The following CASC3 variants were observed in gnomAD, a reference collection of about 807,000 sequenced individuals.
CASC3 encodes CASC3 exon junction complex subunit.
CASC3 carries 30 observed loss-of-function variants against 80.5 expected under a neutral mutation model. The observed-to-expected ratio is 0.37, with a 90% confidence interval of 0.28 to 0.51. The LOEUF (loss-of-function observed/expected upper bound fraction) is 0.51. Among genes scored for constraint, CASC3 ranks in the 20% least tolerant of loss-of-function variants. CASC3 has a pLI of 0.94. For synonymous variants in CASC3, 312 were observed against 333.6 expected, an observed-to-expected ratio of 0.94 and a Z score of 0.70; for missense variants, 824 against 922.2, an observed-to-expected ratio of 0.89 and a Z score of 1.38.
intron 3 of CASC3, among the ~76,000 whole-genome samples, chr17:40,143,385 G>C (rs745730104): frequency 9.9e-5 from 15 of 152,154 alleles, no homozygotes; most frequent in Non-Finnish European, 1.9e-4. Context: ...GGTGGAGGTG[G>C]CAGTGAGCCA....
At chr17:40,156,545 C>T (rs749418376) in intron 3 of CASC3, among the ~76,000 whole-genome samples, 18 of 151,772 alleles carry the variant, frequency 1.2e-4, no homozygotes, top group Non-Finnish European at 2.2e-4. Flanking sequence ...AATAATTAGC[C>T]GGGCATGGTG....
chr17:40,156,055 A>C (rs1348552975), intron 3 of CASC3, among the ~76,000 whole-genome samples: 1 of 152,236 alleles, frequency 6.6e-6, no homozygotes, highest in Non-Finnish European at 1.5e-5. Flanking sequence ...TAATCATGTG[A>C]TAATACTATT....
At chr17:40,144,504 C>T (rs1988803155) in intron 3 of CASC3, among the ~76,000 whole-genome samples, 1 of 150,796 alleles carries the variant, frequency 6.6e-6, no homozygotes, top group African/African-American at 2.4e-5. Flanking sequence ...ACCACCACAC[C>T]CAGCTAATTT....
Position 40,170,570 on chromosome 17 carries a change from C to T in CASC3, c.*165C>T. 1.0e-6 allele frequency: 1 copy of T among 985,610 alleles called. No homozygotes were observed. Among genetic ancestry groups the T allele is most frequent in the Non-Finnish European group, 1.2e-6 (1 of 829,970 alleles). The allele number at this position is 985,610 out of a possible 1,614,324, so 61.1% of individuals were successfully genotyped here. A position where few individuals can be genotyped will look rare whatever the true frequency, so the allele number is the denominator to read the frequency against. ...GAAAGAGGAGGACCCCTGCCTTCCTCTGAGGACAGGCTCTAGAGAGAGGGA... is the reference window on the plus strand; with the variant it reads ...GAAAGAGGAGGACCCCTGCCTTCCTTTGAGGACAGGCTCTAGAGAGAGGGA... On this transcript the variant is annotated 3_prime_UTR_variant, in exon 14 of 14. Transcript: ENST00000264645.
intron 3 of CASC3, among the ~76,000 whole-genome samples, chr17:40,157,817 A>G (rs1989190742): frequency 6.6e-6 from 1 of 152,218 alleles, no homozygotes; most frequent in Middle Eastern, 3.2e-3. Flanking sequence ...GTCAGTGAAT[A>G]TGTATTTTAT....
At chr17:40,141,263 C>G in intron 2 of CASC3, 29 bp downstream of exon 2, 1 of 1,603,722 alleles carries the variant, frequency 6.2e-7, no homozygotes, top group Non-Finnish European at 8.5e-7. Context: ...CCCATTAGGA[C>G]AAGAGTTTTT....
chr17:40,140,610 C>T lies in CASC3; in HGVS notation c.62C>T (p.Ser21Leu), dbSNP rs1424853364. The T allele has an allele frequency of 2.5e-6, 4 of 1,610,964 alleles. No homozygotes were observed. The highest frequency in any genetic ancestry group is 3.4e-6 in the Non-Finnish European group (4 of 1,179,488). ...ACCGAGGACGAGGAATCTGGTGCTT[C>T]GGGCTCCGACAGCGGCGGCTCCCCG... ...QDTEDEESGA[S>L]GSDSGGSPLR... Residue 21 changes from serine to leucine, a missense_variant, in exon 1 of 14, where the codon TCG (serine) becomes TTG (leucine). Coordinates refer to ENST00000264645, the MANE Select transcript of CASC3 (RefSeq NM_007359.5).
chr17:40,169,408 A>T lies in CASC3; in HGVS notation c.2050A>T (p.Thr684Ser). Reference protein sequence around the residue: ...VQPKPSPPRRTPQPVTIKPPP... With the variant: ...VQPKPSPPRRSPQPVTIKPPP... ...GCCAAAGCCCTCCCCACCCCGGAGGACTCCCCAGCCAGTCACCATCAAGCC... is the reference window on the plus strand; with the variant it reads ...GCCAAAGCCCTCCCCACCCCGGAGGTCTCCCCAGCCAGTCACCATCAAGCC... The change falls in exon 12 of 14, where the codon ACT becomes TCT. Residue 684 changes from threonine (T) to serine (S), a missense_variant. This residue lies in a region of CASC3 where 464 missense variants were observed against 506.0 expected (regional missense o/e 0.92). Transcript: ENST00000264645. 2.5e-6 allele frequency: 4 copies of T among 1,611,672 alleles called. No individual in the cohort carries two copies. Among genetic ancestry groups the T allele is most frequent in the Non-Finnish European group, 3.4e-6 (4 of 1,179,178 alleles).
chr17:40,143,863 C>T (rs150585050), intron 3 of CASC3, among the ~76,000 whole-genome samples: 2 of 151,038 alleles, frequency 1.3e-5, no homozygotes, highest in Admixed American at 6.6e-5. Flanking sequence ...AATAAAAGAA[C>T]GTAATTGAAT....
rs747031321 is a variant in CASC3 at position 40,170,479 on chromosome 17, CA to C, written c.*75del. ...GAGGTGAGAACTCAGAAGAGAAATACAGCTGGCTATCTACTACCAGAAGGGC... is the reference window on the plus strand; with the variant it reads ...GAGGTGAGAACTCAGAAGAGAAATACGCTGGCTATCTACTACCAGAAGGGC... On this transcript the variant is annotated 3_prime_UTR_variant, in exon 14 of 14. Transcript: ENST00000264645. 5.1e-6 allele frequency: 5 copies of C among 985,582 alleles called. No homozygotes were observed. In the East Asian group the frequency reaches 4.5e-4, roughly 88 times the overall value. 61.1% of individuals were successfully genotyped at this position (985,582 alleles called of 1,614,324 possible).
chr17:40,148,719 T>A lies in CASC3; in HGVS notation c.297+7112T>A, dbSNP rs531302786. ...ACTGTTGTGCTTTCCCTTGACTGCC[T>A]GTTGATTATTTCAGTGTTCTCCTGT... On this transcript the variant is annotated intron_variant, in intron 3 of 13. Transcript: ENST00000264645. Among the ~76,000 whole-genome samples, 16 of 152,278 alleles carry A rather than the reference T, an allele frequency of 1.1e-4. 1 individual carries two copies. In the South Asian group the frequency reaches 3.1e-3, roughly 30 times the overall value.
intron 3 of CASC3, among the ~76,000 whole-genome samples, chr17:40,159,544 GTTTTT>G: frequency 8.9e-6 from 1 of 112,850 alleles, no homozygotes; most frequent in East Asian, 2.7e-4. Flanking sequence ...TTCATTGTGT[GTTTTT>G]TTTTTTTTTT....
In CASC3 at chr17:40,167,999, T is replaced by C. The variant is rs1989495477; in HGVS notation, c.1750+51T>C. On this transcript the variant is annotated intron_variant, in intron 10 of 13. Coordinates refer to ENST00000264645, the MANE Select transcript of CASC3 (RefSeq NM_007359.5). Reference sequence around the variant, plus strand: ...GCTTCCAGTACCTGAGGATATATGTTGGGAGTGCCACAAAACCCATCCTCC... The same window carrying C: ...GCTTCCAGTACCTGAGGATATATGTCGGGAGTGCCACAAAACCCATCCTCC... 5 of 1,552,812 alleles carry C rather than the reference T, an allele frequency of 3.2e-6. No individual in the cohort carries two copies. In the African/African-American group the frequency reaches 6.8e-5, roughly 21 times the overall value.
rs1989607525 is a variant in CASC3, at chr17:40,172,092, T to G, written c.*1687T>G. Reference sequence around the variant, plus strand: ...AGGATTTTTCCATGTGTGGTGGTGTTTTTTGTTACTGTTTTAAAGGGTGCC... The same window carrying G: ...AGGATTTTTCCATGTGTGGTGGTGTGTTTTGTTACTGTTTTAAAGGGTGCC... On this transcript the variant is annotated 3_prime_UTR_variant, in exon 14 of 14. Transcript: ENST00000264645. 7 of 1,289,908 alleles carry G rather than the reference T, an allele frequency of 5.4e-6. No homozygotes were observed. The highest frequency in any genetic ancestry group is 7.1e-6 in the Non-Finnish European group (7 of 988,822). 79.9% of individuals were successfully genotyped at this position (1,289,908 alleles called of 1,614,324 possible).
intron 1 of CASC3, 125 bp downstream of exon 1, chr17:40,140,904 G>A: frequency 1.3e-6 from 1 of 763,832 alleles, no homozygotes; most frequent in Non-Finnish European, 2.1e-6. Context: ...GTTTTTGAGA[G>A]AAAAGGGGAG....
chr17:40,141,744 G>A, intron 3 of CASC3, 137 bp downstream of exon 3: 2 of 771,534 alleles, frequency 2.6e-6, no homozygotes, highest in East Asian at 4.9e-5. Context: ...CTGAAAAAGT[G>A]TTACAGAAGG....
At chr17:40,154,579 G>C (rs979036982) in intron 3 of CASC3, among the ~76,000 whole-genome samples, 1 of 151,302 alleles carries the variant, frequency 6.6e-6, no homozygotes, top group African/African-American at 2.4e-5. Flanking sequence ...TATATATTCT[G>C]TATTCTAGAT....
intron 3 of CASC3, among the ~76,000 whole-genome samples, chr17:40,143,086 CAAAA>C (rs59510595): frequency 3.2e-4 from 35 of 109,136 alleles, no homozygotes; most frequent in African/African-American, 1.1e-3. Flanking sequence ...GACTCTGTCT[CAAAA>C]AAAAAAAAAT....
intron 6 of CASC3, among the ~76,000 whole-genome samples, 156 bp from the exon 7 acceptor site, chr17:40,163,325 A>T (rs1411700978): frequency 1.3e-5 from 2 of 151,744 alleles, no homozygotes; most frequent in Non-Finnish European, 2.9e-5. Flanking sequence ...AGTAGAAATG[A>T]GGTTTCGCTA....
Sources: gnomAD v4.1 joint callset for allele counts (sites outside exome capture counted in the v4.1 genomes callset) on GRCh38, gnomAD v4.1.1 for gene constraint, gnomAD v4.1.1 regional missense constraint, MANE v1.5 for transcripts, NCBI Gene and HGNC (gene_info 2026-07-23, HGNC 2026-07-21) for gene names.